Variants in KIRREL3 observed in about 807,000 individuals in gnomAD.
KIRREL3 encodes the protein kin of IRRE-like protein 3.
A neutral mutation model predicts 89.7 loss-of-function variants in KIRREL3; 36 were observed. The ratio of observed to expected loss-of-function variants is 0.40; its 90% CI spans 0.31 to 0.53. KIRREL3 has a LOEUF of 0.53. Ranked by LOEUF, KIRREL3 falls within the 20% of genes least tolerant of loss-of-function variation. KIRREL3 has a pLI of 0.49. For missense variants in KIRREL3, 864 were observed against 1,056.6 expected (o/e 0.82, Z 2.53); for synonymous variants, 445 against 441.4 (o/e 1.01, Z -0.10).
chr11:126,576,336 G>C lies in KIRREL3; in HGVS notation c.56-13424C>G, dbSNP rs567061435. Among the ~76,000 whole-genome samples the C allele has an allele frequency of 3.3e-5, 5 of 152,198 alleles. No individual in the cohort carries two copies. In the East Asian group the frequency reaches 9.7e-4, roughly 29 times the overall value. On this transcript the variant is annotated intron_variant, in intron 1 of 16. Transcript: ENST00000525144. The surrounding 1 kb of genome is among the most constrained non-coding windows in gnomAD (Gnocchi z 5.4). Reference sequence around the variant, plus strand: ...TCCAGTCATTCAGGTTTTTATCTTTGAGTTTATTCTAATTTCATTCATTCA... The same window carrying C: ...TCCAGTCATTCAGGTTTTTATCTTTCAGTTTATTCTAATTTCATTCATTCA...
Position 126,782,487 on chromosome 11 carries a change from G to A in KIRREL3, c.55+217968C>T, listed in dbSNP as rs116358499. On this transcript the variant is annotated intron_variant, in intron 1 of 16. Coordinates refer to ENST00000525144, the MANE Select transcript of KIRREL3 (RefSeq NM_032531.4). The surrounding 1 kb of genome is among the most constrained non-coding windows in gnomAD (Gnocchi z 4.1). ...CTGGGAGGAAATTCAGTTTGGAGAGGAGGCAGGGGTGCCACTAGCTGATTT... is the reference window on the plus strand; with the variant it reads ...CTGGGAGGAAATTCAGTTTGGAGAGAAGGCAGGGGTGCCACTAGCTGATTT... Among the ~76,000 whole-genome samples, 1,020 of 152,328 alleles carry A rather than the reference G, an allele frequency of 6.7e-3. 10 individuals carry two copies. Among genetic ancestry groups the A allele is most frequent in the African/African-American group, 0.024 (978 of 41,578 alleles).
chr11:126,920,898 C>T (rs1005485807), intron 1 of KIRREL3, among the ~76,000 whole-genome samples: 1 of 152,206 alleles, frequency 6.6e-6, no homozygotes, highest in Non-Finnish European at 1.5e-5. Flanking sequence ...CTCAGATTGG[C>T]CCCCGTGATG....
rs149277613 is a variant in KIRREL3, at chr11:126,983,991, AATGGATGCCTTTT to A, written c.55+16451_55+16463del. Among the ~76,000 whole-genome samples, 1,135 of 152,304 alleles carry A rather than the reference AATGGATGCCTTTT, an allele frequency of 7.5e-3. 10 individuals are homozygous for A. Among genetic ancestry groups the A allele is most frequent in the Non-Finnish European group, 0.012 (799 of 68,036 alleles). ...GGAAATAATTTAATTCATTGCATGTAATGGATGCCTTTTATGGTATTAGAGGTTAATTCTCCCC... is the reference window on the plus strand; with the variant it reads ...GGAAATAATTTAATTCATTGCATGTAATGGTATTAGAGGTTAATTCTCCCC... On this transcript the variant is annotated intron_variant, in intron 1 of 16. Transcript: ENST00000525144. The surrounding 1 kb of genome is among the most constrained non-coding windows in gnomAD (Gnocchi z 4.9).
At position 126,796,286 on chromosome 11, in the gene KIRREL3, G is replaced by A. The variant is rs561153196; in HGVS notation, c.55+204169C>T. The stretch of plus-strand genomic sequence containing the variant: ...AAGGACTTGACCAGATGAAAAGAGA[G>A]GGGCTCGATCCATGTGAGTTCCCTG... On this transcript the variant is annotated intron_variant, in intron 1 of 16. Coordinates refer to ENST00000525144, the MANE Select transcript of KIRREL3 (RefSeq NM_032531.4). This position sits in a 1 kb window ranked among gnomAD's most constrained non-coding sequence, Gnocchi z 5.1. Among the ~76,000 whole-genome samples, 106 of 152,268 alleles carry A rather than the reference G, an allele frequency of 7.0e-4. No homozygotes were observed. Among genetic ancestry groups the A allele is most frequent in the African/African-American group, 2.5e-3 (102 of 41,558 alleles).
chr11:126,769,550 G>T lies in KIRREL3; in HGVS notation c.56-206638C>A, dbSNP rs77324216. On this transcript the variant is annotated intron_variant, in intron 1 of 16. Transcript: ENST00000525144. The surrounding 1 kb of genome is among the most constrained non-coding windows in gnomAD (Gnocchi z 4.3). ...TTTGCATATGATATTCATGCATTTT[G>T]CATATTTTCATTTACCACTGAATGC... Among the ~76,000 whole-genome samples the T allele has an allele frequency of 7.6e-4, 115 of 152,312 alleles. 1 individual carries two copies. Among genetic ancestry groups the T allele is most frequent in the African/African-American group, 2.7e-3 (112 of 41,580 alleles).
In KIRREL3 at chr11:126,525,368, TG is replaced by T. The variant is rs1376655190; in HGVS notation, c.283+1169del. On this transcript the variant is annotated intron_variant, in intron 3 of 16. Transcript: ENST00000525144. This position sits in a 1 kb window ranked among gnomAD's most constrained non-coding sequence, Gnocchi z 5.4. ...GGCGTTCGGAGTCTCTGAAATTGGC[TG>T]GTTCCCATAACAGTTAAACTTTATG... 6.6e-6 allele frequency among the ~76,000 whole-genome samples: 1 copy of T among 152,250 alleles called. No individual in the cohort carries two copies. The highest frequency in any genetic ancestry group is 1.5e-5 in the Non-Finnish European group (1 of 68,044).
Position 126,965,123 on chromosome 11 carries a change from G to A in KIRREL3, c.55+35332C>T, listed in dbSNP as rs963823377. Among the ~76,000 whole-genome samples the A allele has an allele frequency of 6.6e-5, 10 of 152,206 alleles. No individual in the cohort carries two copies. Among genetic ancestry groups the A allele is most frequent in the Non-Finnish European group, 1.2e-4 (8 of 68,030 alleles). On this transcript the variant is annotated intron_variant, in intron 1 of 16. Coordinates refer to ENST00000525144, the MANE Select transcript of KIRREL3 (RefSeq NM_032531.4). The surrounding 1 kb of genome is among the most constrained non-coding windows in gnomAD (Gnocchi z 4.4). ...ACAGAAAAAGCGGCTCAAGAACAGA[G>A]AGATAAAATGGAGATAAGTGTGAGT...
In KIRREL3 at chr11:126,981,957, A is replaced by G. The variant is rs1277007757; in HGVS notation, c.55+18498T>C. On this transcript the variant is annotated intron_variant, in intron 1 of 16. Coordinates refer to ENST00000525144, the MANE Select transcript of KIRREL3 (RefSeq NM_032531.4). This position sits in a 1 kb window ranked among gnomAD's most constrained non-coding sequence, Gnocchi z 4.2. ...ATTTGAATTCTATGCATATTATCAG[A>G]TAGAACAAATGCAAATATATACAAA... Among the ~76,000 whole-genome samples, 1 of 152,240 alleles carries G rather than the reference A, an allele frequency of 6.6e-6. No individual in the cohort carries two copies. The highest frequency in any genetic ancestry group is 1.5e-5 in the Non-Finnish European group (1 of 68,044).
Position 126,668,753 on chromosome 11 carries a change from CTTTT to C in KIRREL3, c.56-105845_56-105842del, listed in dbSNP as rs1330927654. Among the ~76,000 whole-genome samples the C allele has an allele frequency of 1.9e-5, 2 of 107,844 alleles. No homozygotes were observed. The highest frequency in any genetic ancestry group is 3.4e-5 in the African/African-American group (1 of 29,060). 70.7% of individuals were successfully genotyped at this position (107,844 alleles called of 152,430 possible). A position where few individuals can be genotyped will look rare whatever the true frequency, so the allele number is the denominator to read the frequency against. On this transcript the variant is annotated intron_variant, in intron 1 of 16. Coordinates refer to ENST00000525144, the MANE Select transcript of KIRREL3 (RefSeq NM_032531.4). This position sits in a 1 kb window ranked among gnomAD's most constrained non-coding sequence, Gnocchi z 4.4. ...TCTTTCTTTCTTTCTTTCTTTCTTT[CTTTT>C]TTCTCTTTCTTTCTTTCAAAAAAGT...
In KIRREL3 at chr11:126,429,116, C is replaced by A; in HGVS notation, c.1806+63G>T. ...AAGCATCTAGTTCATTGAGAAGCCT[C>A]TAGTCCCAGGACCTTCTGGGAATGG... On this transcript the variant is annotated intron_variant, in intron 15 of 16. Transcript: ENST00000525144. The surrounding 1 kb of genome is among the most constrained non-coding windows in gnomAD (Gnocchi z 5.2). The A allele has an allele frequency of 9.2e-7, 1 of 1,088,712 alleles. No homozygotes were observed. Among genetic ancestry groups the A allele is most frequent in the Non-Finnish European group, 1.4e-6 (1 of 719,598 alleles). 67.4% of individuals were successfully genotyped at this position (1,088,712 alleles called of 1,614,324 possible).
intron 1 of KIRREL3, among the ~76,000 whole-genome samples, chr11:126,958,339 T>C (rs1948982560): frequency 6.6e-6 from 1 of 152,204 alleles, no homozygotes; most frequent in African/African-American, 2.4e-5. Flanking sequence ...CTTTCTGACA[T>C]TGGCCAAGTG....
intron 1 of KIRREL3, among the ~76,000 whole-genome samples, chr11:126,836,550 T>G (rs577012260): frequency 2.0e-5 from 3 of 152,350 alleles, no homozygotes; most frequent in South Asian, 4.1e-4. Context: ...CTGGGACTCC[T>G]AGAGGATAAA....
rs187511197 is a variant in KIRREL3 at position 126,447,059 on chromosome 11, T to C, written c.998-173A>G. ...TCTTATGTCCGGGCGGGGTCTGGGA[T>C]CTGGGAGTGGGACTCAGGAAGCAAG... On this transcript the variant is annotated intron_variant, in intron 8 of 16. Transcript: ENST00000525144. Among the ~76,000 whole-genome samples the C allele has an allele frequency of 7.5e-3, 1,145 of 152,266 alleles. 7 individuals carry two copies. Among genetic ancestry groups the C allele is most frequent in the Non-Finnish European group, 0.011 (742 of 68,008 alleles).
At chr11:126,914,983 C>A (rs979665390) in intron 1 of KIRREL3, among the ~76,000 whole-genome samples, 3 of 152,178 alleles carry the variant, frequency 2.0e-5, no homozygotes, top group East Asian at 3.8e-4. Flanking sequence ...CAAGTGGACA[C>A]CCCCCTAAGA....
intron 1 of KIRREL3, among the ~76,000 whole-genome samples, chr11:126,743,530 A>C (rs1949047886): frequency 6.6e-6 from 1 of 152,282 alleles, no homozygotes; most frequent in Non-Finnish European, 1.5e-5. Flanking sequence ...AATGCAAAGC[A>C]CTATATAAGG....
rs529756759 is a variant in KIRREL3, at chr11:126,911,779, C to T, written c.55+88676G>A. On this transcript the variant is annotated intron_variant, in intron 1 of 16. Coordinates refer to ENST00000525144, the MANE Select transcript of KIRREL3 (RefSeq NM_032531.4). ...TGGGCGGATGACGAGGTCAGGAGAT[C>T]GAGACCATCCTGGCTAACACGGTGA... Among the ~76,000 whole-genome samples the T allele has an allele frequency of 1.3e-4, 20 of 151,968 alleles. No homozygotes were observed. In the South Asian group the frequency reaches 2.1e-3, roughly 16 times the overall value.
chr11:126,532,191 C>G (rs1202286135), intron 2 of KIRREL3, among the ~76,000 whole-genome samples: 1 of 152,122 alleles, frequency 6.6e-6, no homozygotes, highest in Admixed American at 6.5e-5. Flanking sequence ...GGGACTTGCA[C>G]AAGTTCACTT....
chr11:126,638,637 C>T (rs931073762), intron 1 of KIRREL3, among the ~76,000 whole-genome samples: 3 of 152,162 alleles, frequency 2.0e-5, no homozygotes, highest in African/African-American at 4.8e-5. Flanking sequence ...ATTCTCCCTC[C>T]GTATCTTTCC....
At chr11:126,933,772 C>A (rs1263044343) in intron 1 of KIRREL3, among the ~76,000 whole-genome samples, 8 of 51,094 alleles carry the variant, frequency 1.6e-4, no homozygotes, top group South Asian at 2.1e-3. Context: ...CAATTCCCAC[C>A]AAAAAGGAAA....
Sources: gnomAD v4.1 joint callset for allele counts (sites outside exome capture counted in the v4.1 genomes callset) on GRCh38, gnomAD v4.1.1 for gene constraint, Gnocchi (gnomAD v3.1) non-coding constraint, MANE v1.5 for transcripts, NCBI Gene and HGNC (gene_info 2026-07-23, HGNC 2026-07-21) for gene names.